The following UNC13C variants were observed in gnomAD, a reference collection of about 807,000 sequenced individuals.
The protein encoded by UNC13C is protein unc-13 homolog C.
UNC13C carries 174 observed loss-of-function variants against 245.4 expected under a neutral mutation model. The ratio of observed to expected loss-of-function variants is 0.71; its 90% confidence interval spans 0.63 to 0.80. The LOEUF is 0.80. Ranked by LOEUF, UNC13C falls within the 30% of genes least tolerant of loss-of-function variation. The pLI is 0.00. For missense variants in UNC13C, 2,829 were observed against 2,602.9 expected (o/e 1.09, Z -1.89); for synonymous variants, 992 against 895.1 (o/e 1.11, Z -1.93).
At chr15:54,052,913 T>A (rs1034141558) in intron 2 of UNC13C, among the ~76,000 whole-genome samples, 4 of 152,244 alleles carry the variant, frequency 2.6e-5, no homozygotes, top group Admixed American at 2.6e-4. Flanking sequence ...AGTATTAGGT[T>A]GGTTGTAATG....
the UNC13C span, among the ~76,000 whole-genome samples, chr15:53,860,373 A>C: frequency 6.6e-6 from 1 of 152,212 alleles, no homozygotes; most frequent in African/African-American, 2.4e-5. Flanking sequence ...GTAACTCACA[A>C]TCGAAGGGAC....
At chr15:54,321,308 A>G in intron 13 of UNC13C, 2 of 471,926 alleles carry the variant, frequency 4.2e-6, no homozygotes, top group South Asian at 1.6e-5. Flanking sequence ...ACTGTTCAAA[A>G]TAATCTCTTG....
At chr15:54,142,562 G>C (rs2032071566) in intron 2 of UNC13C, among the ~76,000 whole-genome samples, 2 of 152,176 alleles carry the variant, frequency 1.3e-5, no homozygotes, top group Admixed American at 1.3e-4. Flanking sequence ...AGTCATCTGA[G>C]GTTTACTTTC....
chr15:54,316,442 AG>A (rs1408458098), intron 13 of UNC13C, among the ~76,000 whole-genome samples: 1 of 151,872 alleles, frequency 6.6e-6, no homozygotes, highest in Non-Finnish European at 1.5e-5. Flanking sequence ...ATTGACTGTT[AG>A]CCCAGCCTCA....
chr15:54,496,057 C>G (rs1243725925), intron 20 of UNC13C, among the ~76,000 whole-genome samples: 1 of 151,944 alleles, frequency 6.6e-6, no homozygotes, highest in African/African-American at 2.4e-5. Flanking sequence ...GCTAAGAGAA[C>G]ATATTTTACA....
At chr15:53,961,088 A>T in the UNC13C span, among the ~76,000 whole-genome samples, 1 of 152,194 alleles carries the variant, frequency 6.6e-6, no homozygotes, top group Non-Finnish European at 1.5e-5. Context: ...GATGGTTCCT[A>T]GGTTTTCCAT....
chr15:54,396,503 C>T (rs1382489145), intron 18 of UNC13C, among the ~76,000 whole-genome samples: 4 of 151,110 alleles, frequency 2.6e-5, no homozygotes, highest in Non-Finnish European at 5.9e-5. Context: ...ACGTATATAC[C>T]ACAATATGTT....
At chr15:53,998,369 T>A (rs1894730798) in intron 1 of UNC13C, among the ~76,000 whole-genome samples, 1 of 152,158 alleles carries the variant, frequency 6.6e-6, no homozygotes, top group South Asian at 2.1e-4. Context: ...AAATTTTTTC[T>A]AAAAATTTTA....
chr15:54,132,030 C>G (rs16974127), intron 2 of UNC13C, among the ~76,000 whole-genome samples: 55,327 of 150,560 alleles, frequency 0.37, 10,282 homozygotes, highest in Admixed American at 0.39. Context: ...CTTTAACATC[C>G]TTATGATACT....
At chr15:53,882,014 G>C in the UNC13C span, among the ~76,000 whole-genome samples, 1 of 152,154 alleles carries the variant, frequency 6.6e-6, no homozygotes, top group East Asian at 1.9e-4. Context: ...GTGGAGATGA[G>C]ACACTTAGGT....
chr15:54,203,775 C>T, intron 4 of UNC13C, among the ~76,000 whole-genome samples: 2 of 146,716 alleles, frequency 1.4e-5, no homozygotes, highest in Non-Finnish European at 3.0e-5. Flanking sequence ...TGTATATATA[C>T]ACACACATAT....
chr15:53,845,135 C>T, the UNC13C span, among the ~76,000 whole-genome samples: 1 of 151,902 alleles, frequency 6.6e-6, no homozygotes, highest in African/African-American at 2.4e-5. Flanking sequence ...ACTAGCCTGG[C>T]CAATACAGTG....
intron 30 of UNC13C, 23 bp from the exon 31 acceptor site, chr15:54,622,304 A>T (rs1900844835): frequency 1.3e-6 from 2 of 1,555,988 alleles, no homozygotes; most frequent in East Asian, 4.5e-5. Context: ...AGCTCAGGCC[A>T]GTAAGCCTCT....
At chr15:54,477,034 A>G (rs1892786941) in intron 19 of UNC13C, among the ~76,000 whole-genome samples, 1 of 99,870 alleles carries the variant, frequency 1.0e-5, no homozygotes, top group Non-Finnish European at 2.0e-5. Context: ...ATCCCTTGTA[A>G]GTTGGATTCC....
chr15:54,500,323 C>T, intron 21 of UNC13C, 148 bp downstream of exon 21: 1 of 618,708 alleles, frequency 1.6e-6, no homozygotes, highest in Non-Finnish European at 2.7e-6. Context: ...TTTCAGTGGT[C>T]TGGTCAGAAC....
intron 2 of UNC13C, among the ~76,000 whole-genome samples, chr15:54,025,083 A>G (rs893854480): frequency 1.3e-5 from 2 of 152,212 alleles, no homozygotes; most frequent in Admixed American, 6.5e-5. Flanking sequence ...AAATAAGAAG[A>G]AATGATCCAT....
At position 54,220,453 on chromosome 15, in the gene UNC13C, G is replaced by A. The variant is rs867083628; in HGVS notation, c.3072-14577G>A. On this transcript the variant is annotated intron_variant, in intron 4 of 32. Transcript: ENST00000260323. The stretch of plus-strand genomic sequence containing the variant: ...ACACTCTGGGGACTGTTGTGGGGTA[G>A]GGGGAGGGGGGAGGGATAGCATTAG... Among the ~76,000 whole-genome samples the A allele has an allele frequency of 5.0e-3, 701 of 139,504 alleles. 7 individuals carry two copies. The highest frequency in any genetic ancestry group is 0.02 in the African/African-American group (681 of 34,876). The allele number at this position is 139,504 out of a possible 152,430, so 91.5% of individuals were successfully genotyped here.
intron 4 of UNC13C, among the ~76,000 whole-genome samples, chr15:54,220,546 T>G (rs989609941): frequency 5.3e-5 from 8 of 151,600 alleles, no homozygotes; most frequent in Non-Finnish European, 1.5e-5. Context: ...TGTATACATA[T>G]GTAACTAACC....
chr15:54,257,067 C>G (rs1399610969), intron 8 of UNC13C, among the ~76,000 whole-genome samples: 2 of 152,274 alleles, frequency 1.3e-5, no homozygotes, highest in East Asian at 3.9e-4. Context: ...TCCTAGAAGT[C>G]AGAGTCTAGT....
Sources: gnomAD v4.1 joint callset for allele counts (sites outside exome capture counted in the v4.1 genomes callset) on GRCh38, gnomAD v4.1.1 for gene constraint, MANE v1.5 for transcripts, NCBI Gene and HGNC (gene_info 2026-07-23, HGNC 2026-07-21) for gene names.